The following SH3BGR variants were observed in gnomAD, a reference collection of about 807,000 sequenced individuals.
The protein encoded by SH3BGR is SH3 domain-binding glutamic acid-rich protein.
SH3BGR carries 29 observed loss-of-function variants against 24.5 expected under a neutral mutation model. The observed-to-expected ratio is 1.18, with a 90% CI of 0.88 to 1.61. SH3BGR has a LOEUF of 1.61. SH3BGR is among the 40% of genes most tolerant of loss of function. The pLI is 0.00. For synonymous variants in SH3BGR, 55 were observed against 65.7 expected (o/e 0.84, Z 0.79); for missense variants, 162 against 205.8 (o/e 0.79, Z 1.30).
chr21:39,457,393 T>C (rs1398191558), intron 1 of SH3BGR, among the ~76,000 whole-genome samples: 3 of 143,610 alleles, frequency 2.1e-5, no homozygotes, highest in African/African-American at 7.5e-5. Flanking sequence ...TATTATATAG[T>C]TATATATAAA....
chr21:39,502,447 A>G (rs937615020), intron 4 of SH3BGR, among the ~76,000 whole-genome samples: 3 of 152,178 alleles, frequency 2.0e-5, no homozygotes, highest in African/African-American at 7.2e-5. Context: ...TGTGGTTAAA[A>G]CAGAGGTGCT....
chr21:39,499,389 C>T (rs1656751169), intron 3 of SH3BGR, among the ~76,000 whole-genome samples: 1 of 152,148 alleles, frequency 6.6e-6, no homozygotes, highest in African/African-American at 2.4e-5. Flanking sequence ...ATCCATCTCT[C>T]CATCCATCCA....
chr21:39,476,251 C>T (rs1254983601), intron 3 of SH3BGR, among the ~76,000 whole-genome samples: 1 of 152,098 alleles, frequency 6.6e-6, no homozygotes, highest in African/African-American at 2.4e-5. Context: ...AGGAGCTTGG[C>T]TCTTTACAGA....
At chr21:39,492,218 A>G (rs1041381945) in intron 3 of SH3BGR, among the ~76,000 whole-genome samples, 1 of 151,994 alleles carries the variant, frequency 6.6e-6, no homozygotes, top group Admixed American at 6.6e-5. Context: ...GTCGTCTTTT[A>G]TCCTTCACCC....
At chr21:39,469,477 A>G (rs1197476613) in intron 2 of SH3BGR, among the ~76,000 whole-genome samples, 1 of 150,364 alleles carries the variant, frequency 6.7e-6, no homozygotes, top group East Asian at 2.0e-4. Flanking sequence ...TTTTCCTTCT[A>G]TACACTTTTT....
At chr21:39,449,211 G>A (rs73367990), upstream of SH3BGR, among the ~76,000 whole-genome samples, 427 of 152,312 alleles carry the variant, frequency 2.8e-3, 1 homozygote, top group African/African-American at 9.9e-3. Flanking sequence ...CAGTATGTAT[G>A]TAAGGCTGAC....
At chr21:39,459,895 C>T (rs941252931) in intron 1 of SH3BGR, among the ~76,000 whole-genome samples, 5 of 152,108 alleles carry the variant, frequency 3.3e-5, no homozygotes, top group African/African-American at 9.7e-5. Flanking sequence ...AAGTTTCTCC[C>T]TGTGGTTATT....
At chr21:39,451,497 T>C (rs1050258927), upstream of SH3BGR, among the ~76,000 whole-genome samples, 1 of 152,210 alleles carries the variant, frequency 6.6e-6, no homozygotes, top group Non-Finnish European at 1.5e-5. Flanking sequence ...TATGACAGTT[T>C]ACTTAAAAAA....
At chr21:39,491,067 T>A (rs1602140099) in intron 3 of SH3BGR, among the ~76,000 whole-genome samples, 1 of 152,178 alleles carries the variant, frequency 6.6e-6, no homozygotes. Context: ...GATAATCTGT[T>A]ATAAATCAGA....
intron 1 of SH3BGR, among the ~76,000 whole-genome samples, chr21:39,459,221 T>C (rs933750583): frequency 6.6e-6 from 1 of 151,840 alleles, no homozygotes; most frequent in Non-Finnish European, 1.5e-5. Flanking sequence ...CTTCCTTTTT[T>C]CTTTTTCTTT....
At chr21:39,497,825 A>G (rs542566379) in intron 3 of SH3BGR, among the ~76,000 whole-genome samples, 1 of 152,324 alleles carries the variant, frequency 6.6e-6, no homozygotes, top group African/African-American at 2.4e-5. Flanking sequence ...AGAAATAACA[A>G]TCATCTTCAC....
chr21:39,504,709 C>T (rs113728807), intron 4 of SH3BGR, among the ~76,000 whole-genome samples: 12,797 of 152,152 alleles, frequency 0.084, 765 homozygotes, highest in African/African-American at 0.17. Context: ...GCTTTTGTGC[C>T]TATAATTACT....
chr21:39,451,544 TCTTTA>T (rs1194382135), upstream of SH3BGR, among the ~76,000 whole-genome samples: 1 of 152,184 alleles, frequency 6.6e-6, no homozygotes, highest in East Asian at 1.9e-4. Flanking sequence ...ACAAAGTTGC[TCTTTA>T]CTTAAAGGCC....
chr21:39,513,355 TG>T (rs2078729972), intron 6 of SH3BGR, among the ~76,000 whole-genome samples: 1 of 152,166 alleles, frequency 6.6e-6, no homozygotes, highest in South Asian at 2.1e-4. Flanking sequence ...CTTTAAAAAT[TG>T]GCTGACAAAT....
At position 39,475,976 on chromosome 21, in the gene SH3BGR, A is replaced by G. The variant is rs114129299; in HGVS notation, c.312+761A>G. ...GCTGAGTGAAGAAGTGAGGTAGGCA[A>G]TTGCATACTGATCTGTGTCTCTGCA... On this transcript the variant is annotated intron_variant, in intron 3 of 6. Coordinates refer to ENST00000333634, the MANE Select transcript of SH3BGR (RefSeq NM_007341.3). Among the ~76,000 whole-genome samples, 511 of 152,314 alleles carry G rather than the reference A, an allele frequency of 3.4e-3. 4 individuals are homozygous for G. Among genetic ancestry groups the G allele is most frequent in the African/African-American group, 0.012 (496 of 41,562 alleles).
chr21:39,452,588 T>C (rs181091267), intron 1 of SH3BGR, among the ~76,000 whole-genome samples: 1 of 152,324 alleles, frequency 6.6e-6, no homozygotes, highest in African/African-American at 2.4e-5. Context: ...GTATATGCCA[T>C]GTAATGATGT....
intron 2 of SH3BGR, among the ~76,000 whole-genome samples, chr21:39,474,336 C>T (rs1464283084): frequency 1.3e-5 from 2 of 152,106 alleles, no homozygotes; most frequent in Non-Finnish European, 2.9e-5. Context: ...TTGTGTGTTG[C>T]CCTGTAGGAC....
chr21:39,486,699 A>G (rs1384031606), intron 3 of SH3BGR, among the ~76,000 whole-genome samples: 1 of 152,212 alleles, frequency 6.6e-6, no homozygotes, highest in Non-Finnish European at 1.5e-5. Context: ...GCAAAACAAC[A>G]ATATAATCAA....
At chr21:39,478,957 C>G (rs2078072397) in intron 3 of SH3BGR, among the ~76,000 whole-genome samples, 1 of 152,174 alleles carries the variant, frequency 6.6e-6, no homozygotes, top group South Asian at 2.1e-4. Flanking sequence ...TTCTTCAACT[C>G]ATTGCATTCT....
Sources: allele counts gnomAD v4.1 joint callset (sites outside exome capture counted in the v4.1 genomes callset), GRCh38; gene constraint gnomAD v4.1.1; transcripts MANE v1.5; gene names NCBI Gene and HGNC (gene_info 2026-07-23, HGNC 2026-07-21).